IDNK: variants seen among roughly 807,000 people sequenced by gnomAD.
IDNK encodes the protein gluconokinase.
In IDNK, 9 loss-of-function variants were observed where a neutral mutation model predicts 13.0. That is an observed-to-expected ratio of 0.69 (90% CI 0.42 to 1.21). IDNK has a LOEUF of 1.21. Among genes scored for constraint, IDNK ranks in the 50% most tolerant of loss-of-function variants. IDNK has a pLI of 0.00. For synonymous variants in IDNK, 92 were observed against 94.9 expected (o/e 0.97, Z 0.18); for missense variants, 210 against 237.8 (o/e 0.88, Z 0.77).
chr9:83,641,595 AGAGACCACC>A lies in IDNK; in HGVS notation c.212+5_212+13del. 2 of 1,614,116 alleles carry A rather than the reference AGAGACCACC, an allele frequency of 1.2e-6. No individual in the cohort carries two copies. Among genetic ancestry groups the A allele is most frequent in the Non-Finnish European group, 1.7e-6 (2 of 1,180,006 alleles). ...ACTTGCATGACATTTTACTAAGGTA[AGAGACCACC>A]AGGCCTTGGCATAAGCCAAAGCCAG... On this transcript the variant is annotated splice_donor_5th_base_variant and intron_variant, in intron 4 of 4. Coordinates refer to ENST00000376419, the MANE Select transcript of IDNK (RefSeq NM_001001551.4).
intron 3 of IDNK, among the ~76,000 whole-genome samples, chr9:83,637,437 A>G (rs993507174): frequency 6.6e-6 from 1 of 152,256 alleles, no homozygotes; most frequent in African/African-American, 2.4e-5. Flanking sequence ...TAGCCTTGGT[A>G]GAATGACCTT....
chr9:83,642,577 C>G (rs1237488623), intron 4 of IDNK, among the ~76,000 whole-genome samples: 1 of 144,288 alleles, frequency 6.9e-6, no homozygotes, highest in Non-Finnish European at 1.5e-5. Context: ...AAAAAAAAAG[C>G]AGGGGAGGCC....
chr9:83,641,476 C>T, intron 3 of IDNK, 72 bp from the exon 4 acceptor site: 1 of 1,522,716 alleles, frequency 6.6e-7, no homozygotes. Flanking sequence ...CATGATATAA[C>T]TGTTTCTCTA....
intron 1 of IDNK, among the ~76,000 whole-genome samples, chr9:83,624,774 T>C (rs1425237192): frequency 1.3e-5 from 2 of 151,854 alleles, no homozygotes; most frequent in Non-Finnish European, 2.9e-5. Context: ...AGTGCAGTGG[T>C]GCAATCTTGG....
At chr9:83,629,378 TTTC>T (rs1237833425) in intron 3 of IDNK, among the ~76,000 whole-genome samples, 7 of 152,268 alleles carry the variant, frequency 4.6e-5, no homozygotes, top group African/African-American at 1.7e-4. Context: ...GCTGGCCATG[TTTC>T]TTCTGCCTGT....
intron 1 of IDNK, 144 bp from the exon 2 acceptor site, chr9:83,628,037 G>C: frequency 6.8e-7 from 1 of 1,469,324 alleles, no homozygotes; most frequent in Non-Finnish European, 9.0e-7. Context: ...CCACGGTCAC[G>C]GGCATCACTG....
chr9:83,626,784 G>C, intron 1 of IDNK: 9 of 1,172,466 alleles, frequency 7.7e-6, no homozygotes, highest in Non-Finnish European at 9.7e-6. Flanking sequence ...GTTTGGCCGG[G>C]ATGGTCTACT....
intron 3 of IDNK, among the ~76,000 whole-genome samples, chr9:83,631,455 A>G (rs1461530451): frequency 2.2e-5 from 3 of 135,718 alleles, no homozygotes; most frequent in African/African-American, 9.7e-5. Flanking sequence ...AAAACTGAAA[A>G]AAAAAAAAAA....
At chr9:83,628,988 C>T in intron 3 of IDNK, 29 bp downstream of exon 3, 1 of 1,553,182 alleles carries the variant, frequency 6.4e-7, no homozygotes, top group Non-Finnish European at 8.9e-7. Flanking sequence ...GTCCATCACA[C>T]ATATTCCACC....
chr9:83,641,421 A>T, intron 3 of IDNK, 127 bp from the exon 4 acceptor site: 1 of 994,414 alleles, frequency 1.0e-6, no homozygotes, highest in Non-Finnish European at 1.6e-6. Flanking sequence ...TGCATGGCCC[A>T]CTCCTCACAC....
intron 1 of IDNK, 92 bp downstream of exon 1, chr9:83,623,313 G>A: frequency 8.5e-7 from 1 of 1,180,588 alleles, no homozygotes; most frequent in Non-Finnish European, 1.1e-6. Context: ...GTGGACTGGG[G>A]TCTTGGGGAC....
intron 4 of IDNK, among the ~76,000 whole-genome samples, chr9:83,642,872 C>G (rs934452398): frequency 6.6e-6 from 1 of 152,208 alleles, no homozygotes; most frequent in Non-Finnish European, 1.5e-5. Context: ...ACCTTGCCCA[C>G]AGAGAGGCTG....
chr9:83,623,036 G>A (rs1587596603), upstream of IDNK: 1 of 561,544 alleles, frequency 1.8e-6, no homozygotes, highest in Non-Finnish European at 2.8e-6. Flanking sequence ...AAAGGGGCGC[G>A]GGAAAACGGG....
At chr9:83,642,244 T>C (rs932512697) in intron 4 of IDNK, among the ~76,000 whole-genome samples, 2 of 152,158 alleles carry the variant, frequency 1.3e-5, no homozygotes, top group Admixed American at 6.5e-5. Flanking sequence ...GGGTTACGGA[T>C]CTTGCTTTCT....
chr9:83,628,194 G>A lies in IDNK; in HGVS notation c.64G>A (p.Ala22Thr), dbSNP rs764977917. Residue 22 changes from alanine (A) to threonine (T), a missense_variant, in exon 2 of 5, where the codon GCC becomes ACC. Coordinates refer to ENST00000376419, the MANE Select transcript of IDNK (RefSeq NM_001001551.4). ...VSGSGKSTVG[A>T]LLASELGWKF... ...TCCTCTCCACAGATCCACCGTGGGC[G>A]CCCTGCTGGCATCTGAGGTTAGTAA... 3.6e-5 allele frequency: 56 copies of A among 1,550,388 alleles called. No individual in the cohort carries two copies. The African/African-American group carries it at 6.3e-4, about 17-fold the overall frequency.
At chr9:83,627,480 G>A (rs914451101) in intron 1 of IDNK, among the ~76,000 whole-genome samples, 15 of 152,144 alleles carry the variant, frequency 9.9e-5, no homozygotes, top group African/African-American at 3.6e-4. Context: ...GAGGTTTAAA[G>A]GAACAGGTGA....
chr9:83,631,818 G>T (rs758208087), intron 3 of IDNK, among the ~76,000 whole-genome samples: 2 of 152,050 alleles, frequency 1.3e-5, no homozygotes, highest in African/African-American at 4.8e-5. Context: ...AATTATTAGC[G>T]TTATGATGAA....
intron 3 of IDNK, among the ~76,000 whole-genome samples, chr9:83,640,289 T>C (rs149386163): frequency 3.2e-4 from 48 of 152,342 alleles, no homozygotes; most frequent in African/African-American, 1.1e-3. Context: ...GGGAAAACTA[T>C]CCTACTCATT....
Position 83,628,201 on chromosome 9 carries a change from T to C in IDNK, c.71T>C (p.Leu24Pro), listed in dbSNP as rs1830913963. Residue 24 changes from leucine (L) to proline (P), a missense_variant, in exon 2 of 5, where the codon CTG (leucine) becomes CCG (proline). Physicochemically the swap from Leu to Pro is moderately conservative, Grantham distance 98. Coordinates refer to ENST00000376419, the MANE Select transcript of IDNK (RefSeq NM_001001551.4). ...GSGKSTVGAL[L>P]ASELGWKFYD... is the part of the protein sequence containing the mutation. Reference sequence around the variant, plus strand: ...CACAGATCCACCGTGGGCGCCCTGCTGGCATCTGAGGTTAGTAACCTGTCC... The same window carrying C: ...CACAGATCCACCGTGGGCGCCCTGCCGGCATCTGAGGTTAGTAACCTGTCC... The C allele has an allele frequency of 2.6e-6, 4 of 1,550,574 alleles. No homozygotes were observed. The highest frequency in any genetic ancestry group is 3.5e-6 in the Non-Finnish European group (4 of 1,146,938).
Sources: gnomAD v4.1 joint callset for allele counts (sites outside exome capture counted in the v4.1 genomes callset) on GRCh38, gnomAD v4.1.1 for gene constraint, MANE v1.5 for transcripts, NCBI Gene and HGNC (gene_info 2026-07-23, HGNC 2026-07-21) for gene names.